SHISA9: variants seen among roughly 807,000 people sequenced by gnomAD.
The protein encoded by SHISA9 is shisa family member 9, also known as protein shisa-9.
SHISA9 carries 13 observed loss-of-function variants against 38.0 expected under a neutral mutation model. The ratio of observed to expected loss-of-function variants is 0.34; its 90% CI spans 0.22 to 0.54. SHISA9 has a LOEUF of 0.54. Among genes scored for constraint, SHISA9 ranks in the 20% least tolerant of loss-of-function variants. SHISA9 has a pLI of 0.91. For synonymous variants in SHISA9, 275 were observed against 242.0 expected, an observed-to-expected ratio of 1.14 and a Z score of -1.27; for missense variants, 538 against 575.8, an observed-to-expected ratio of 0.93 and a Z score of 0.67.
chr16:12,923,521 CTG>C (rs1230374434), intron 2 of SHISA9, among the ~76,000 whole-genome samples: 1 of 151,692 alleles, frequency 6.6e-6, no homozygotes, highest in Non-Finnish European at 1.5e-5. Context: ...GAGCAAAACT[CTG>C]TCTCAAAAAA....
chr16:13,415,715 G>A, the SHISA9 span, among the ~76,000 whole-genome samples: 2 of 151,878 alleles, frequency 1.3e-5, no homozygotes, highest in Admixed American at 6.6e-5. Flanking sequence ...AGAAAGATTT[G>A]GATAGCTATG....
the SHISA9 span, among the ~76,000 whole-genome samples, chr16:13,387,191 TC>T: frequency 1.3e-5 from 2 of 152,218 alleles, no homozygotes; most frequent in African/African-American, 4.8e-5. Context: ...AACTGTGGTA[TC>T]CCAAAAAATG....
At chr16:13,374,274 G>A in the SHISA9 span, among the ~76,000 whole-genome samples, 3 of 151,304 alleles carry the variant, frequency 2.0e-5, no homozygotes, top group African/African-American at 7.3e-5. Context: ...CCGTTAACTC[G>A]TCATTTACAT....
At chr16:13,415,938 G>A in the SHISA9 span, among the ~76,000 whole-genome samples, 1 of 152,064 alleles carries the variant, frequency 6.6e-6, no homozygotes, top group South Asian at 2.1e-4. Context: ...CTAATCTTTG[G>A]TGTTAGATGT....
At chr16:13,208,844 G>C (rs2051092360) in intron 3 of SHISA9, among the ~76,000 whole-genome samples, 1 of 152,172 alleles carries the variant, frequency 6.6e-6, no homozygotes, top group African/African-American at 2.4e-5. Context: ...CCAGCACCTA[G>C]TGTCATGTGG....
the SHISA9 span, among the ~76,000 whole-genome samples, chr16:13,283,554 C>A: frequency 0.27 from 40,502 of 151,790 alleles, 6,116 homozygotes; most frequent in Admixed American, 0.4. Context: ...GGGTTTCTCC[C>A]TATAAAACCA....
At chr16:13,282,059 A>G in the SHISA9 span, among the ~76,000 whole-genome samples, 1 of 151,924 alleles carries the variant, frequency 6.6e-6, no homozygotes, top group Non-Finnish European at 1.5e-5. Context: ...ACAATATTTT[A>G]TATTAAATTA....
chr16:13,376,781 C>G, the SHISA9 span, among the ~76,000 whole-genome samples: 1 of 152,028 alleles, frequency 6.6e-6, no homozygotes, highest in Non-Finnish European at 1.5e-5. Flanking sequence ...GCAGCCTTGA[C>G]CTCTTGGGCG....
chr16:13,002,356 C>T (rs2072536101), intron 2 of SHISA9, among the ~76,000 whole-genome samples: 2 of 152,250 alleles, frequency 1.3e-5, no homozygotes, highest in African/African-American at 2.4e-5. Context: ...CAGAATTTCA[C>T]TGCTTGTCCC....
intron 2 of SHISA9, among the ~76,000 whole-genome samples, chr16:13,170,262 G>T (rs977278079): frequency 6.6e-6 from 1 of 150,940 alleles, no homozygotes; most frequent in Admixed American, 6.6e-5. Context: ...TCATTTATTT[G>T]TCCCTATGAT....
the SHISA9 span, among the ~76,000 whole-genome samples, chr16:13,438,430 T>C: frequency 3.3e-4 from 50 of 152,286 alleles, no homozygotes; most frequent in Admixed American, 7.8e-4. Flanking sequence ...GCTAGCACAC[T>C]CTTACATATC....
chr16:13,547,723 A>C, the SHISA9 span, among the ~76,000 whole-genome samples: 56,680 of 151,984 alleles, frequency 0.37, 11,183 homozygotes, highest in East Asian at 0.63. Context: ...TTAAGGGAAC[A>C]CAAATAAATG....
At chr16:13,229,457 C>G (rs1179269214) in intron 4 of SHISA9, among the ~76,000 whole-genome samples, 1 of 152,132 alleles carries the variant, frequency 6.6e-6, no homozygotes, top group East Asian at 1.9e-4. Flanking sequence ...ACAAAAAACA[C>G]CCCTATGTGC....
chr16:13,230,528 T>G (rs917327429), intron 4 of SHISA9, among the ~76,000 whole-genome samples: 6 of 151,724 alleles, frequency 4.0e-5, no homozygotes, highest in African/African-American at 1.5e-4. Context: ...GGGTGGGTGG[T>G]CCCATGTGAG....
At chr16:12,903,787 C>T (rs536721316) in intron 1 of SHISA9, among the ~76,000 whole-genome samples, 1 of 152,168 alleles carries the variant, frequency 6.6e-6, no homozygotes, top group South Asian at 2.1e-4. Context: ...TCCGCGCCCC[C>T]TCTGCCGGGG....
chr16:12,967,623 A>C (rs2071996994), intron 2 of SHISA9, among the ~76,000 whole-genome samples: 1 of 151,996 alleles, frequency 6.6e-6, no homozygotes, highest in Non-Finnish European at 1.5e-5. Context: ...AGTGTTATGG[A>C]CATCCAAGGA....
Position 13,060,001 on chromosome 16 carries a change from C to T in SHISA9, c.691+143186C>T, listed in dbSNP as rs529439875. On this transcript the variant is annotated intron_variant, in intron 2 of 4. Transcript: ENST00000558583. ...TCTGTGGTTCTTTATCTTAACAGCC[C>T]TAGCAAACAAATACAGGCAGTAATT... Among the ~76,000 whole-genome samples the T allele has an allele frequency of 2.0e-5, 3 of 152,262 alleles. No homozygotes were observed. In the South Asian group the frequency reaches 6.2e-4, roughly 32 times the overall value.
chr16:13,195,587 T>C (rs968104190), intron 2 of SHISA9, among the ~76,000 whole-genome samples: 1 of 151,678 alleles, frequency 6.6e-6, no homozygotes, highest in Non-Finnish European at 1.5e-5. Context: ...TTCCAAAGAG[T>C]AAAATGTGAA....
chr16:13,101,944 C>T (rs1362421516), intron 2 of SHISA9, among the ~76,000 whole-genome samples: 3 of 152,230 alleles, frequency 2.0e-5, no homozygotes, highest in African/African-American at 7.2e-5. Context: ...TGCAAAGCAT[C>T]AGGAGACTCT....
Sources: gnomAD v4.1 joint callset for allele counts (sites outside exome capture counted in the v4.1 genomes callset) on GRCh38, gnomAD v4.1.1 for gene constraint, MANE v1.5 for transcripts, NCBI Gene and HGNC (gene_info 2026-07-23, HGNC 2026-07-21) for gene names.